Variants in AGO3 observed in about 807,000 individuals in gnomAD.
AGO3 encodes the protein argonaute RISC catalytic component 3.
AGO3 carries 16 observed loss-of-function variants against 105.5 expected under a neutral mutation model. The observed-to-expected ratio is 0.15, with a 90% CI of 0.10 to 0.23. The LOEUF is 0.23. Among genes scored for constraint, AGO3 ranks in the 10% least tolerant of loss-of-function variants. The pLI, the probability that AGO3 is intolerant of heterozygous loss-of-function variation, is 1.00. For missense variants in AGO3, 534 were observed against 1,088.0 expected, an observed-to-expected ratio of 0.49 and a Z score of 7.16; for synonymous variants, 340 against 367.3, an observed-to-expected ratio of 0.93 and a Z score of 0.85.
At chr1:36,031,802 A>G (rs948408013) in intron 12 of AGO3, among the ~76,000 whole-genome samples, 17 of 151,672 alleles carry the variant, frequency 1.1e-4, no homozygotes, top group Non-Finnish European at 5.9e-5. Context: ...GGCTTTTGGC[A>G]TAATATCCTC....
chr1:36,003,709 A>AAAAAAAAAATATAT (rs1295618675), intron 5 of AGO3, among the ~76,000 whole-genome samples: 69 of 99,414 alleles, frequency 6.9e-4, no homozygotes, highest in East Asian at 1.2e-3. Context: ...AAAAAAAAAA[A>AAAAAAAAAATATAT]ATATATATAT....
At chr1:36,044,984 T>C (rs1642403426) in intron 17 of AGO3, among the ~76,000 whole-genome samples, 1 of 152,232 alleles carries the variant, frequency 6.6e-6, no homozygotes, top group Non-Finnish European at 1.5e-5. Flanking sequence ...CATACAGCTC[T>C]GTATCTTATA....
At chr1:36,030,186 A>C (rs377703804) in intron 12 of AGO3, among the ~76,000 whole-genome samples, 13 of 152,062 alleles carry the variant, frequency 8.5e-5, no homozygotes, top group Non-Finnish European at 1.3e-4. Context: ...ATATATGATA[A>C]GTTTGTTTTT....
At chr1:35,995,209 A>AAAAAAAATATATATAT (rs1237315557) in intron 5 of AGO3, among the ~76,000 whole-genome samples, 1 of 114,786 alleles carries the variant, frequency 8.7e-6, no homozygotes, top group African/African-American at 3.8e-5. Flanking sequence ...TAAAAAAAAA[A>AAAAAAAATATATATAT]ATATATATAT....
At position 35,934,230 on chromosome 1, in the gene AGO3, C is replaced by T. The variant is rs2148737428; in HGVS notation, c.19+2785C>T. On this transcript the variant is annotated intron_variant, in intron 1 of 18. Coordinates refer to ENST00000373191, the MANE Select transcript of AGO3 (RefSeq NM_024852.4). ...ACTCATTTTTTAGGTCCATACTATTCTAGTCTATGTTTTCAGGTAATGTTA... is the reference window on the plus strand; with the variant it reads ...ACTCATTTTTTAGGTCCATACTATTTTAGTCTATGTTTTCAGGTAATGTTA... 2.0e-5 allele frequency among the ~76,000 whole-genome samples: 3 copies of T among 152,240 alleles called. No homozygotes were observed. The South Asian group carries it at 6.2e-4, about 32-fold the overall frequency.
intron 5 of AGO3, among the ~76,000 whole-genome samples, chr1:35,977,085 A>T (rs1222021856): frequency 6.6e-6 from 1 of 151,898 alleles, no homozygotes; most frequent in African/African-American, 2.4e-5. Flanking sequence ...TCGTACAATT[A>T]AAAATAACTA....
chr1:35,983,906 T>C (rs1008926758), intron 5 of AGO3, among the ~76,000 whole-genome samples: 3 of 152,180 alleles, frequency 2.0e-5, no homozygotes, highest in Non-Finnish European at 4.4e-5. Flanking sequence ...CTAGTGTATA[T>C]TTAGAAATTT....
In AGO3 at chr1:36,034,352, TTATGAAAA is replaced by T. The variant is rs1641912470; in HGVS notation, c.1751+23_1751+30del. The T allele has an allele frequency of 6.5e-7, 1 of 1,547,248 alleles. No homozygotes were observed. The highest frequency in any genetic ancestry group is 8.7e-7 in the Non-Finnish European group (1 of 1,145,390). ...ATCAAAGGTAAGATATGCTAATCGC[TTATGAAAA>T]TATTATTTTTATATCTTCATTTGTC... On this transcript the variant is annotated intron_variant, in intron 13 of 18. Coordinates refer to ENST00000373191, the MANE Select transcript of AGO3 (RefSeq NM_024852.4).
In AGO3 at chr1:36,008,987, G is replaced by T. The variant is rs144067198; in HGVS notation, c.972G>T (p.Pro324=). 20 of 1,608,418 alleles carry T rather than the reference G, an allele frequency of 1.2e-5. No individual in the cohort carries two copies. Among genetic ancestry groups the T allele is most frequent in the Non-Finnish European group, 1.6e-5 (19 of 1,177,674 alleles). Reference sequence around the variant, plus strand: ...AGTATACTCTTCAGCTGAAGTACCCGCACCTTCCCTGTCTGCAAGTCGGGC... The same window carrying T: ...AGTATACTCTTCAGCTGAAGTACCCTCACCTTCCCTGTCTGCAAGTCGGGC... The part of the protein sequence containing the change: ...REKYTLQLKY[P]HLPCLQVGQE... The change falls in exon 8 of 19, where the codon CCG becomes CCT. Residue 324 remains proline, a synonymous_variant. Coordinates refer to ENST00000373191, the MANE Select transcript of AGO3 (RefSeq NM_024852.4). This position sits in a 1 kb window ranked among gnomAD's most constrained non-coding sequence, Gnocchi z 5.1.
rs144967117 is a variant in AGO3 at position 36,046,986 on chromosome 1, T to A, written c.2274+3438T>A. 9.5e-3 allele frequency among the ~76,000 whole-genome samples: 1,449 copies of A among 152,324 alleles called. 23 individuals are homozygous for A. The highest frequency in any genetic ancestry group is 0.033 in the African/African-American group (1,356 of 41,588). On this transcript the variant is annotated intron_variant, in intron 17 of 18. Coordinates refer to ENST00000373191, the MANE Select transcript of AGO3 (RefSeq NM_024852.4). Reference sequence around the variant, plus strand: ...CAGGCCGGCCGCAGTGGCTCACGCCTGTAATCTCATTACTTTGGGAGGCCG... The same window carrying A: ...CAGGCCGGCCGCAGTGGCTCACGCCAGTAATCTCATTACTTTGGGAGGCCG...
chr1:35,956,900 G>A (rs369874733), intron 2 of AGO3, among the ~76,000 whole-genome samples: 5 of 151,210 alleles, frequency 3.3e-5, no homozygotes, highest in African/African-American at 9.7e-5. Flanking sequence ...CGCCCACCTC[G>A]GCCTCCCAAA....
chr1:36,046,458 G>A (rs368358244), intron 17 of AGO3, among the ~76,000 whole-genome samples: 3 of 151,800 alleles, frequency 2.0e-5, no homozygotes, highest in Non-Finnish European at 2.9e-5. Context: ...TCGGGAGGCC[G>A]AGGCGGGCAT....
chr1:36,039,351 G>A (rs1358512151), intron 14 of AGO3, among the ~76,000 whole-genome samples: 1 of 151,932 alleles, frequency 6.6e-6, no homozygotes, highest in African/African-American at 2.4e-5. Flanking sequence ...AAAATTAGCT[G>A]GGGGTGGTGG....
chr1:35,974,270 G>T (rs911792749), intron 5 of AGO3, among the ~76,000 whole-genome samples: 2 of 150,038 alleles, frequency 1.3e-5, no homozygotes, highest in Non-Finnish European at 3.0e-5. Context: ...CTTGTTAGCT[G>T]GTTCTAATCA....
chr1:35,986,078 A>G (rs758088669), intron 5 of AGO3, among the ~76,000 whole-genome samples: 2 of 152,230 alleles, frequency 1.3e-5, no homozygotes, highest in African/African-American at 4.8e-5. Context: ...TGAAATACCA[A>G]ATGTTGGTGA....
chr1:36,032,671 C>T (rs146948269), intron 12 of AGO3, among the ~76,000 whole-genome samples: 1 of 151,574 alleles, frequency 6.6e-6, no homozygotes, highest in East Asian at 2.0e-4. Flanking sequence ...TGAGACATTG[C>T]ACCCATTTTT....
chr1:36,038,655 G>T (rs1312715908), intron 14 of AGO3, among the ~76,000 whole-genome samples: 1 of 152,146 alleles, frequency 6.6e-6, no homozygotes. Flanking sequence ...GGAAGAAAGG[G>T]TCTGGAGGCA....
intron 5 of AGO3, among the ~76,000 whole-genome samples, chr1:35,976,059 C>G (rs1265614281): frequency 6.6e-6 from 1 of 151,942 alleles, no homozygotes; most frequent in East Asian, 1.9e-4. Flanking sequence ...CCTCAGCCTC[C>G]CAAGCAACTG....
chr1:35,936,255 TAAAAAAA>T (rs748191713), intron 1 of AGO3, among the ~76,000 whole-genome samples: 24 of 144,896 alleles, frequency 1.7e-4, no homozygotes, highest in Non-Finnish European at 3.1e-4. Flanking sequence ...AGCCACTGCT[TAAAAAAA>T]AAAAACCAAC....
Sources: gnomAD v4.1 joint callset for allele counts (sites outside exome capture counted in the v4.1 genomes callset) on GRCh38, gnomAD v4.1.1 for gene constraint, Gnocchi (gnomAD v3.1) non-coding constraint, MANE v1.5 for transcripts, NCBI Gene and HGNC (gene_info 2026-07-23, HGNC 2026-07-21) for gene names.